Variants in HELZ2 observed in about 807,000 individuals in gnomAD.
HELZ2 encodes the protein helicase with zinc finger 2, also known as 3'-5' exoribonuclease HELZ2.
Under a neutral mutation model 208.8 loss-of-function variants are expected in HELZ2, and 143 were observed. That is an observed-to-expected ratio of 0.68 (90% CI 0.60 to 0.79). HELZ2 has a LOEUF of 0.79. Ranked by LOEUF, HELZ2 falls within the 30% of genes least tolerant of loss-of-function variation. HELZ2 has a pLI of 0.00. For synonymous variants in HELZ2, 1,705 were observed against 1,693.7 expected (o/e 1.01, Z -0.16); for missense variants, 3,690 against 3,794.5 (o/e 0.97, Z 0.72).
exon 1 of HELZ2, chr20:63,572,310 C>T (rs79255367): frequency 0.015 from 24,111 of 1,586,886 alleles, 218 homozygotes; most frequent in Non-Finnish European, 0.019. Context: ...GTGCGCCCGT[C>T]GCCATCAGGG....
At chr20:63,573,492 C>G (rs6122131), upstream of HELZ2, among the ~76,000 whole-genome samples, 2 of 152,104 alleles carry the variant, frequency 1.3e-5, no homozygotes, top group African/African-American at 4.8e-5. This position sits in a 1 kb window ranked among gnomAD's most constrained non-coding sequence, Gnocchi z 4.9. Flanking sequence ...CAGGCCCCAC[C>G]TAGAAGGAGC....
Position 63,564,941 on chromosome 20 carries a change from TC to T in HELZ2, c.3880del (p.Glu1294SerfsTer13). 1.2e-6 allele frequency: 2 copies of T among 1,610,224 alleles called. No individual in the cohort carries two copies. The highest frequency in any genetic ancestry group is 1.7e-6 in the Non-Finnish European group (2 of 1,178,112). ...CAGGCCGAGGATGCGGAGGCCCTGC[TC>T]CCAGGTGCTGGCCTCAGGCAGCACC... On this transcript the variant is annotated frameshift_variant, in exon 8 of 19. Transcript: ENST00000467148. LOFTEE classifies it high-confidence loss of function.
At chr20:63,559,540 G>C (rs1317167711) in intron 18 of HELZ2, among the ~76,000 whole-genome samples, 170 bp from the exon 20 acceptor site, 2 of 48,330 alleles carry the variant, frequency 4.1e-5, no homozygotes, top group African/African-American at 1.7e-4. Context: ...CAGGTGGGAG[G>C]AGTCAGGGTC....
At chr20:63,558,241 G>A (rs1471108808), downstream of HELZ2, 3 of 152,446 alleles carry the variant, frequency 2.0e-5, no homozygotes, top group Non-Finnish European at 2.9e-5. Flanking sequence ...GTGAGCGTGC[G>A]AGAAACATAC....
Position 63,560,709 on chromosome 20 carries a change from G to T in HELZ2, c.7282-12C>A. ...CAGATGCCCTCATGCTGCAGGCAAG[G>T]ATGTGCGCTGGTCAGAGGCTGCCAC... is the stretch of plus-strand genomic sequence containing the variant. On this transcript the variant is annotated splice_polypyrimidine_tract_variant and intron_variant, in intron 15 of 18. Coordinates refer to ENST00000467148, the Ensembl canonical transcript of HELZ2. The T allele has an allele frequency of 6.2e-7, 1 of 1,607,132 alleles. No individual in the cohort carries two copies. The highest frequency in any genetic ancestry group is 1.1e-5 in the South Asian group (1 of 91,068).
exon 4 of HELZ2, chr20:63,569,555 A>T: frequency 6.2e-7 from 1 of 1,602,542 alleles, no homozygotes; most frequent in Non-Finnish European, 8.5e-7. Context: ...AGCTGGGCAC[A>T]CGGAAGCGCT....
chr20:63,567,221 C>T (rs535911958), exon 6 of HELZ2: 6 of 1,607,474 alleles, frequency 3.7e-6, no homozygotes, highest in Admixed American at 1.7e-5. Flanking sequence ...AGCGTGTGCT[C>T]GGCCGCCCGG....
At chr20:63,562,340 C>T (rs748632717) in exon 9 of HELZ2, 39 of 1,595,534 alleles carry the variant, frequency 2.4e-5, no homozygotes, top group African/African-American at 1.3e-4. Flanking sequence ...TGGTGACCAG[C>T]GGGGACGCCT....
At chr20:63,559,254 G>T (rs1490425241) in exon 19 of HELZ2, 2 of 1,565,260 alleles carry the variant, frequency 1.3e-6, no homozygotes, top group African/African-American at 2.7e-5. Flanking sequence ...CTTCAGGAAG[G>T]CATAGTTGGC....
exon 8 of HELZ2, chr20:63,563,646 T>C: frequency 1.9e-6 from 3 of 1,546,576 alleles, no homozygotes; most frequent in Non-Finnish European, 1.7e-6. Flanking sequence ...AGGTGCAGGC[T>C]GCGCGCCCGC....
exon 4 of HELZ2, chr20:63,569,431 G>T (rs747746042): frequency 7.5e-6 from 12 of 1,608,766 alleles, no homozygotes; most frequent in Non-Finnish European, 1.0e-5. Context: ...CCCAGCTGCA[G>T]CCCCAGCTTT....
chr20:63,572,455 C>G, exon 1 of HELZ2: 1 of 1,419,990 alleles, frequency 7.0e-7, no homozygotes, highest in Non-Finnish European at 9.2e-7. Context: ...GCCCCACAAA[C>G]CTGCAGTAGG....
chr20:63,558,865 G>A, downstream of HELZ2: 1 of 165,828 alleles, frequency 6.0e-6, no homozygotes, highest in South Asian at 1.9e-4. Context: ...CATTTAAATA[G>A]AAAATAAACC....
exon 5 of HELZ2, chr20:63,568,462 G>A: frequency 3.8e-6 from 6 of 1,597,688 alleles, no homozygotes; most frequent in Non-Finnish European, 5.1e-6. Flanking sequence ...AGGGGCCATA[G>A]ATGAGTAGCG....
At chr20:63,569,229 G>C in exon 4 of HELZ2, 1 of 1,561,148 alleles carries the variant, frequency 6.4e-7, no homozygotes, top group Non-Finnish European at 8.7e-7. Context: ...TGGTGAGATG[G>C]GGCCCGAGGC....
chr20:63,562,460 T>G, intron 8 of HELZ2, 60 bp downstream of exon 9: 1 of 1,520,416 alleles, frequency 6.6e-7, no homozygotes, highest in Non-Finnish European at 8.8e-7. Context: ...TCCCCCCTCC[T>G]GCAAGTGAGG....
At chr20:63,566,016 C>G (rs200299887) in exon 8 of HELZ2, 7 of 1,595,464 alleles carry the variant, frequency 4.4e-6, no homozygotes, top group Non-Finnish European at 5.9e-6. Flanking sequence ...TGCCGCTCCA[C>G]GCACTCACGG....
At chr20:63,564,379 G>A (rs780565580) in exon 8 of HELZ2, 24 of 1,557,798 alleles carry the variant, frequency 1.5e-5, no homozygotes, top group Non-Finnish European at 1.9e-5. Flanking sequence ...AGGCGTCCAC[G>A]GAGTCCAGGC....
chr20:63,567,112 A>G (rs980137391), exon 6 of HELZ2: 7 of 1,611,926 alleles, frequency 4.3e-6, no homozygotes, highest in Non-Finnish European at 5.9e-6. Flanking sequence ...GAAGCTGACA[A>G]TGGCGTCCGT....
Sources: gnomAD v4.1 joint callset for allele counts (sites outside exome capture counted in the v4.1 genomes callset) on GRCh38, gnomAD v4.1.1 for gene constraint, Gnocchi (gnomAD v3.1) non-coding constraint, MANE v1.5 for transcripts, NCBI Gene and HGNC (gene_info 2026-07-23, HGNC 2026-07-21) for gene names.